ADAM10: variants seen among roughly 807,000 people sequenced by gnomAD.
ADAM10 encodes disintegrin and metalloproteinase domain-containing protein 10.
In ADAM10, 17 loss-of-function variants were observed where a neutral mutation model predicts 90.1. The ratio of observed to expected loss-of-function variants is 0.19; its 90% CI spans 0.13 to 0.28. ADAM10 has a LOEUF of 0.28. ADAM10 is among the 10% of genes least tolerant of loss of function. The pLI is 1.00. For synonymous variants in ADAM10, 310 were observed against 298.6 expected (o/e 1.04, Z -0.40); for missense variants, 610 against 914.3 (o/e 0.67, Z 4.29).
intron 7 of ADAM10, among the ~76,000 whole-genome samples, chr15:58,641,676 T>G (rs1566977276): frequency 1.3e-5 from 2 of 152,224 alleles, no homozygotes; most frequent in East Asian, 3.8e-4. Flanking sequence ...AGACTTCTAT[T>G]AAACAAAAGC....
chr15:58,745,223 A>G (rs1261024804), intron 1 of ADAM10, among the ~76,000 whole-genome samples: 1 of 152,246 alleles, frequency 6.6e-6, no homozygotes, highest in Non-Finnish European at 1.5e-5. Flanking sequence ...TTATATGGAC[A>G]TCATCTCATA....
chr15:58,714,344 C>G (rs1222533777), intron 2 of ADAM10, among the ~76,000 whole-genome samples: 6 of 148,804 alleles, frequency 4.0e-5, no homozygotes, highest in Non-Finnish European at 7.4e-5. Context: ...GTGCTACTAC[C>G]CAGAAATGTA....
At chr15:58,746,484 G>A (rs1275894005) in intron 1 of ADAM10, among the ~76,000 whole-genome samples, 2 of 152,162 alleles carry the variant, frequency 1.3e-5, no homozygotes, top group Non-Finnish European at 2.9e-5. Context: ...AACATAGGAT[G>A]GGACTGTGCC....
Position 58,597,379 on chromosome 15 carries a change from T to A in ADAM10, c.*168A>T. 6.5e-7 allele frequency: 1 copy of A among 1,545,354 alleles called. No individual in the cohort carries two copies. The highest frequency in any genetic ancestry group is 8.7e-7 in the Non-Finnish European group (1 of 1,144,166). ...CACCCCCAAATTGGAATTTTCAGGC[T>A]TTAAAATTTAAGTAATTCCACCTGG... On this transcript the variant is annotated 3_prime_UTR_variant, in exon 16 of 16. Transcript: ENST00000260408.
chr15:58,704,195 A>G (rs764274661), intron 2 of ADAM10: 3 of 152,232 alleles, frequency 2.0e-5, no homozygotes, highest in Non-Finnish European at 4.4e-5. Context: ...GGACTAATAC[A>G]GTAAGTGAAA....
chr15:58,597,595 C>T lies in ADAM10; in HGVS notation c.2199G>A (p.Gln733=). 2 of 1,614,078 alleles carry T rather than the reference C, an allele frequency of 1.2e-6. No individual in the cohort carries two copies. Among genetic ancestry groups the T allele is most frequent in the Non-Finnish European group, 1.7e-6 (2 of 1,180,010 alleles). The change falls in exon 16 of 16, where the codon CAG becomes CAA. Residue 733 remains glutamine (Q), a synonymous_variant. Transcript: ENST00000260408. ...RRPPQPIQQP[Q]RQRPRESYQM... Reference sequence around the variant, plus strand: ...GATAACTCTCTCGGGGCCGCTGACGCTGGGGTTGCTGAATGGGCTGTGGAG... The same window carrying T: ...GATAACTCTCTCGGGGCCGCTGACGTTGGGGTTGCTGAATGGGCTGTGGAG...
At chr15:58,687,158 T>A (rs1298802047) in intron 2 of ADAM10, among the ~76,000 whole-genome samples, 1 of 152,234 alleles carries the variant, frequency 6.6e-6, no homozygotes, top group Non-Finnish European at 1.5e-5. Context: ...ACTGATGTCT[T>A]GATTTTTCTA....
At chr15:58,621,403 T>C (rs866433677) in intron 11 of ADAM10, 68 bp downstream of exon 11, 1 of 1,590,918 alleles carries the variant, frequency 6.3e-7, no homozygotes, top group Middle Eastern at 1.7e-4. Context: ...ATCTCAGTTT[T>C]AAATTTGTCA....
chr15:58,597,483 G>T lies in ADAM10; in HGVS notation c.*64C>A. ...TAGTTTGGAGATGATGACTTAATAGGTTTCTCTTTGGAGTGAAGTTTTCCC... is the reference window on the plus strand; with the variant it reads ...TAGTTTGGAGATGATGACTTAATAGTTTTCTCTTTGGAGTGAAGTTTTCCC... On this transcript the variant is annotated 3_prime_UTR_variant, in exon 16 of 16. Coordinates refer to ENST00000260408, the MANE Select transcript of ADAM10 (RefSeq NM_001110.4). 1 of 1,612,586 alleles carries T rather than the reference G, an allele frequency of 6.2e-7. No individual in the cohort carries two copies.
Position 58,592,956 on chromosome 15 carries a change from T to C in ADAM10, c.*4591A>G, listed in dbSNP as rs1428505439. The C allele has an allele frequency of 6.7e-6, 1 of 149,918 alleles. No homozygotes were observed. Among genetic ancestry groups the C allele is most frequent in the African/African-American group, 2.4e-5 (1 of 40,980 alleles). The allele number at this position is 149,918 out of a possible 1,614,324, so 9.3% of individuals were successfully genotyped here. A position where few individuals can be genotyped will look rare whatever the true frequency, so the allele number is the denominator to read the frequency against. ...GAATTGTTTAAAATAATAAACAATGTGGAACCTACATGTCCAAACAATGGG... is the reference window on the plus strand; with the variant it reads ...GAATTGTTTAAAATAATAAACAATGCGGAACCTACATGTCCAAACAATGGG... On this transcript the variant is annotated 3_prime_UTR_variant, in exon 16 of 16. Transcript: ENST00000260408.
Position 58,592,909 on chromosome 15 carries a change from AAGAATTGTTTAAAATTCTTT to A in ADAM10, c.*4618_*4637del, listed in dbSNP as rs1423690698. 14 of 151,028 alleles carry A rather than the reference AAGAATTGTTTAAAATTCTTT, an allele frequency of 9.3e-5. No homozygotes were observed. Among genetic ancestry groups the A allele is most frequent in the Non-Finnish European group, 1.6e-4 (11 of 67,764 alleles). 9.4% of individuals were successfully genotyped at this position (151,028 alleles called of 1,614,324 possible). A position where few individuals can be genotyped will look rare whatever the true frequency, so the allele number is the denominator to read the frequency against. On this transcript the variant is annotated 3_prime_UTR_variant, in exon 16 of 16. Transcript: ENST00000260408. ...TCATTATTAGGCTGAGGATTTTCCTAAGAATTGTTTAAAATTCTTTAGAATTGTTTAAAATAATAAACAAT... is the reference window on the plus strand; with the variant it reads ...TCATTATTAGGCTGAGGATTTTCCTAAGAATTGTTTAAAATAATAAACAAT...
At chr15:58,686,510 G>T (rs1406889161) in intron 2 of ADAM10, 12 of 1,425,624 alleles carry the variant, frequency 8.4e-6, no homozygotes, top group Non-Finnish European at 1.2e-5. Context: ...GGCAGCCGCA[G>T]AGCTTCAACA....
At chr15:58,692,603 C>T (rs780720639) in intron 2 of ADAM10, 3 of 557,268 alleles carry the variant, frequency 5.4e-6, no homozygotes, top group Non-Finnish European at 1.1e-5. Flanking sequence ...TTCACTACTT[C>T]TTTGACCCAC....
intron 1 of ADAM10, among the ~76,000 whole-genome samples, chr15:58,728,260 A>G (rs1018187987): frequency 6.6e-6 from 1 of 152,336 alleles, no homozygotes; most frequent in South Asian, 2.1e-4. Context: ...TGGAAATTAG[A>G]AAGTATTTTG....
rs1278351133 is a variant in ADAM10 at position 58,595,988 on chromosome 15, C to G, written c.*1559G>C. 6.6e-6 allele frequency: 1 copy of G among 151,286 alleles called. No individual in the cohort carries two copies. Among genetic ancestry groups the G allele is most frequent in the Non-Finnish European group, 1.5e-5 (1 of 67,886 alleles). The allele number at this position is 151,286 out of a possible 1,614,324, so 9.4% of individuals were successfully genotyped here. On this transcript the variant is annotated 3_prime_UTR_variant, in exon 16 of 16. Coordinates refer to ENST00000260408, the MANE Select transcript of ADAM10 (RefSeq NM_001110.4). The stretch of plus-strand genomic sequence containing the variant: ...TTTGAAAAAGTCACCACATACTGTA[C>G]AAGTTTACAAGGAAGAGATCCCGTT...
intron 2 of ADAM10, among the ~76,000 whole-genome samples, chr15:58,707,738 C>T (rs1435237944): frequency 6.6e-6 from 1 of 152,196 alleles, no homozygotes; most frequent in Non-Finnish European, 1.5e-5. Flanking sequence ...TTTCCAACCT[C>T]GCACAACTAT....
intron 1 of ADAM10, among the ~76,000 whole-genome samples, chr15:58,737,298 C>T (rs574984991): frequency 3.5e-4 from 53 of 152,062 alleles, no homozygotes; most frequent in African/African-American, 1.3e-3. Context: ...TGGTTTTATG[C>T]GTGTTCTTTC....
chr15:58,679,408 T>A, intron 3 of ADAM10, 126 bp from the exon 4 acceptor site: 3 of 809,536 alleles, frequency 3.7e-6, no homozygotes, highest in Non-Finnish European at 5.9e-6. Context: ...ATATATATGG[T>A]TAAATCTTGA....
chr15:58,641,467 T>TAG (rs1347007543), intron 7 of ADAM10, among the ~76,000 whole-genome samples: 1 of 152,164 alleles, frequency 6.6e-6, no homozygotes, highest in Non-Finnish European at 1.5e-5. Context: ...TTTCCTTGCC[T>TAG]AGAGAGTCAC....
Sources: gnomAD v4.1 joint callset for allele counts (sites outside exome capture counted in the v4.1 genomes callset) on GRCh38, gnomAD v4.1.1 for gene constraint, MANE v1.5 for transcripts, NCBI Gene and HGNC (gene_info 2026-07-23, HGNC 2026-07-21) for gene names.